Variants in UNC13C observed in about 807,000 individuals in gnomAD.
UNC13C encodes protein unc-13 homolog C.
A neutral mutation model predicts 245.4 loss-of-function variants in UNC13C; 174 were observed. The observed-to-expected ratio is 0.71, with a 90% CI of 0.63 to 0.80. The LOEUF is 0.80. UNC13C is among the 30% of genes least tolerant of loss of function. The pLI is 0.00. For synonymous variants in UNC13C, 992 were observed against 895.1 expected (o/e 1.11, Z -1.93); for missense variants, 2,829 against 2,602.9 (o/e 1.09, Z -1.89).
At chr15:54,552,757 A>G (rs1454677705) in intron 28 of UNC13C, among the ~76,000 whole-genome samples, 31 of 92,106 alleles carry the variant, frequency 3.4e-4, no homozygotes, top group Non-Finnish European at 4.7e-4. Context: ...ATAGTACAAT[A>G]TATAATATAT....
chr15:54,341,302 G>A (rs1444912886), intron 17 of UNC13C, among the ~76,000 whole-genome samples: 1 of 152,158 alleles, frequency 6.6e-6, no homozygotes, highest in Non-Finnish European at 1.5e-5. Context: ...AATGTCCTTT[G>A]CAGCAACATG....
chr15:54,436,033 G>C (rs1285171694), intron 19 of UNC13C, among the ~76,000 whole-genome samples: 3 of 152,016 alleles, frequency 2.0e-5, no homozygotes, highest in African/African-American at 7.2e-5. Context: ...ACCACAATGA[G>C]ATTCCATCTA....
At chr15:54,451,760 A>G (rs1332389799) in intron 19 of UNC13C, among the ~76,000 whole-genome samples, 2 of 151,954 alleles carry the variant, frequency 1.3e-5, no homozygotes, top group Admixed American at 6.6e-5. Context: ...TATTTGATAA[A>G]TTTCTTTTTC....
the UNC13C span, among the ~76,000 whole-genome samples, chr15:53,923,149 A>T: frequency 6.6e-6 from 1 of 152,360 alleles, no homozygotes; most frequent in Middle Eastern, 3.4e-3. Flanking sequence ...TTAATCTGTA[A>T]GATTCAGATC....
At chr15:54,550,595 C>A (rs1269744628) in intron 28 of UNC13C, among the ~76,000 whole-genome samples, 1 of 152,064 alleles carries the variant, frequency 6.6e-6, no homozygotes, top group Admixed American at 6.6e-5. Flanking sequence ...CTTATAATTT[C>A]AGTATTCTAT....
intron 1 of UNC13C, among the ~76,000 whole-genome samples, chr15:53,987,570 C>T (rs955459318): frequency 6.6e-6 from 1 of 151,938 alleles, no homozygotes; most frequent in Non-Finnish European, 1.5e-5. Context: ...TGCTGCAGCA[C>T]TAGCAGGCTT....
At chr15:53,852,466 C>T in the UNC13C span, among the ~76,000 whole-genome samples, 33 of 152,190 alleles carry the variant, frequency 2.2e-4, no homozygotes, top group African/African-American at 7.2e-4. Flanking sequence ...TTTCTCCCTA[C>T]GTATGTACAG....
chr15:53,901,778 G>C, the UNC13C span, among the ~76,000 whole-genome samples: 1 of 152,162 alleles, frequency 6.6e-6, no homozygotes, highest in Non-Finnish European at 1.5e-5. Context: ...AAATTTGAGA[G>C]TGTATGTTTA....
intron 19 of UNC13C, among the ~76,000 whole-genome samples, chr15:54,430,539 C>T (rs2040851126): frequency 6.6e-6 from 1 of 151,428 alleles, no homozygotes; most frequent in Non-Finnish European, 1.5e-5. Flanking sequence ...CCTGTTAAGC[C>T]TCTCAACATC....
chr15:54,528,049 T>TA (rs1203051075), intron 25 of UNC13C, among the ~76,000 whole-genome samples: 3 of 152,186 alleles, frequency 2.0e-5, no homozygotes, highest in Non-Finnish European at 4.4e-5. Flanking sequence ...TAATTAATTG[T>TA]AAAAAATCCA....
At position 54,548,208 on chromosome 15, in the gene UNC13C, C is replaced by CTTTTTTTTTTTTTTTTTTTTTTT. The variant is rs60975842; in HGVS notation, c.5820+1371_5820+1393dup. On this transcript the variant is annotated intron_variant, in intron 27 of 32. Coordinates refer to ENST00000260323, the MANE Select transcript of UNC13C (RefSeq NM_001080534.3). ...TGTTGTTGTTGTTTTGTTTCTTTTG[C>CTTTTTTTTTTTTTTTTTTTTTTT]TTTTTTTTTTTTTTTTTTTTTTTTT... 3.2e-5 allele frequency among the ~76,000 whole-genome samples: 2 copies of CTTTTTTTTTTTTTTTTTTTTTTT among 61,878 alleles called. 1 individual carries two copies. The highest frequency in any genetic ancestry group is 8.7e-5 in the African/African-American group (2 of 22,892). The allele number at this position is 61,878 out of a possible 152,430, so 40.6% of individuals were successfully genotyped here.
chr15:53,906,559 A>G, the UNC13C span, among the ~76,000 whole-genome samples: 1 of 152,210 alleles, frequency 6.6e-6, no homozygotes, highest in Non-Finnish European at 1.5e-5. Flanking sequence ...TGGAACTGTC[A>G]GTCAGGATGT....
At chr15:54,463,647 C>T (rs537265740) in intron 19 of UNC13C, among the ~76,000 whole-genome samples, 19 of 152,170 alleles carry the variant, frequency 1.2e-4, no homozygotes, top group Non-Finnish European at 1.8e-4. Flanking sequence ...CGAACACATC[C>T]GAACATCAGA....
chr15:53,932,195 G>A, the UNC13C span, among the ~76,000 whole-genome samples: 24 of 152,180 alleles, frequency 1.6e-4, no homozygotes, highest in East Asian at 4.7e-3. Context: ...TGTAGTCCCA[G>A]GTACTCAGGA....
intron 13 of UNC13C, among the ~76,000 whole-genome samples, chr15:54,301,918 A>C (rs1237953142): frequency 6.6e-6 from 1 of 152,074 alleles, no homozygotes; most frequent in Non-Finnish European, 1.5e-5. Flanking sequence ...GTGTAAAAGC[A>C]TTCCTATTTC....
intron 2 of UNC13C, among the ~76,000 whole-genome samples, chr15:54,129,740 T>A (rs1277057126): frequency 6.6e-6 from 1 of 151,528 alleles, no homozygotes; most frequent in African/African-American, 2.4e-5. Context: ...TTACTGTACC[T>A]TTAACTATAT....
At chr15:54,252,531 G>A (rs2036178761) in intron 8 of UNC13C, among the ~76,000 whole-genome samples, 1 of 151,990 alleles carries the variant, frequency 6.6e-6, no homozygotes, top group Non-Finnish European at 1.5e-5. Flanking sequence ...ATCAGAAAGA[G>A]GTCCTACAAG....
intron 4 of UNC13C, among the ~76,000 whole-genome samples, chr15:54,181,989 G>T (rs1423313756): frequency 6.6e-6 from 1 of 151,884 alleles, no homozygotes; most frequent in African/African-American, 2.4e-5. Flanking sequence ...AAGAGAGATA[G>T]TTTGAGTTCT....
chr15:54,121,141 G>T (rs1005069187), intron 2 of UNC13C, among the ~76,000 whole-genome samples: 7 of 152,146 alleles, frequency 4.6e-5, no homozygotes, highest in Non-Finnish European at 1.0e-4. Flanking sequence ...ACAAGGTACA[G>T]GCAAATCTTT....
Sources: allele counts gnomAD v4.1 joint callset (sites outside exome capture counted in the v4.1 genomes callset), GRCh38; gene constraint gnomAD v4.1.1; transcripts MANE v1.5; gene names NCBI Gene and HGNC (gene_info 2026-07-23, HGNC 2026-07-21).